Variants in PARK7 observed in about 807,000 individuals in gnomAD.
PARK7 encodes Parkinsonism associated deglycase.
Under a neutral mutation model 20.5 loss-of-function variants are expected in PARK7, and 14 were observed. The ratio of observed to expected loss-of-function variants is 0.68; its 90% CI spans 0.45 to 1.07. The LOEUF (loss-of-function observed/expected upper bound fraction) is 1.07, where lower values mean the gene tolerates loss of function less well. Ranked by LOEUF, PARK7 falls within the 50% of genes least tolerant of loss-of-function variation. The pLI, the probability that PARK7 is intolerant of heterozygous loss-of-function variation, is 0.00. For missense variants in PARK7, 234 were observed against 238.1 expected (o/e 0.98, Z 0.11); for synonymous variants, 98 against 84.3 (o/e 1.16, Z -0.89).
At chr1:7,981,090 T>C (rs749325940) in intron 6 of PARK7, among the ~76,000 whole-genome samples, 2 of 152,170 alleles carry the variant, frequency 1.3e-5, no homozygotes, top group Non-Finnish European at 2.9e-5. Context: ...TTGTCCACTG[T>C]TTGATGGCAT....
chr1:7,965,422 A>G lies in PARK7; in HGVS notation c.189A>G (p.Lys63=). ...CPDASLEDAK[K]EGPYDVVVLP... ...ATGCCAGCCTTGAAGATGCAAAAAA[A>G]GAGGTTTGTAATCCATACATGGAGT... The change falls in exon 3 of 7, where the codon AAA becomes AAG. Residue 63 remains lysine (K), a synonymous_variant. Coordinates refer to ENST00000338639, the MANE Select transcript of PARK7 (RefSeq NM_007262.5). The G allele has an allele frequency of 2.5e-6, 4 of 1,613,940 alleles. No homozygotes were observed. Among genetic ancestry groups the G allele is most frequent in the Non-Finnish European group, 3.4e-6 (4 of 1,179,780 alleles).
intron 2 of PARK7, 101 bp downstream of exon 2, chr1:7,962,976 A>G (rs1640241343): frequency 1.7e-5 from 16 of 963,950 alleles, no homozygotes; most frequent in Admixed American, 1.1e-4. Flanking sequence ...AAATATTTCA[A>G]ATATACACAA....
intron 5 of PARK7, among the ~76,000 whole-genome samples, chr1:7,972,112 A>G (rs1640477974): frequency 6.6e-6 from 1 of 152,162 alleles, no homozygotes; most frequent in Admixed American, 6.5e-5. Context: ...GACTTGATAC[A>G]TTCGAGTATC....
chr1:7,966,049 T>TA (rs1192604083), intron 3 of PARK7, among the ~76,000 whole-genome samples: 6 of 152,204 alleles, frequency 3.9e-5, no homozygotes, highest in Non-Finnish European at 5.9e-5. Flanking sequence ...TTATGGCTCT[T>TA]ACCTTTAAGG....
chr1:7,974,140 C>CCCG (rs997267046), intron 5 of PARK7, among the ~76,000 whole-genome samples: 8 of 148,394 alleles, frequency 5.4e-5, no homozygotes, highest in Non-Finnish European at 1.2e-4. Context: ...TGAGACCCCC[C>CCCG]CACCGACCTC....
intron 6 of PARK7, among the ~76,000 whole-genome samples, chr1:7,981,039 A>G (rs1170734721): frequency 6.6e-6 from 1 of 152,122 alleles, no homozygotes; most frequent in Non-Finnish European, 1.5e-5. Flanking sequence ...CGATTTTAGA[A>G]TAAGTCAGTT....
chr1:7,982,702 T>G (rs1640737591), intron 6 of PARK7, among the ~76,000 whole-genome samples: 1 of 152,192 alleles, frequency 6.6e-6, no homozygotes, highest in African/African-American at 2.4e-5. Flanking sequence ...CCCAGCCAGT[T>G]TCTAGGTTAG....
At chr1:7,969,450 G>GA (rs371300988) in intron 4 of PARK7, 46 bp downstream of exon 4, 129 of 740,520 alleles carry the variant, frequency 1.7e-4, no homozygotes, top group African/African-American at 5.5e-4. Context: ...TGGGGGGGGG[G>GA]AAAAACTAAA....
At chr1:7,973,523 G>C (rs907019200) in intron 5 of PARK7, among the ~76,000 whole-genome samples, 16 of 152,130 alleles carry the variant, frequency 1.1e-4, no homozygotes, top group African/African-American at 3.9e-4. Flanking sequence ...AAACCAGCCT[G>C]GCCACCATGG....
rs898499181 is a variant in PARK7 at position 7,962,626 on chromosome 1, G to A, written c.-23-137G>A. 6.5e-6 allele frequency: 4 copies of A among 613,840 alleles called. No individual in the cohort carries two copies. In the African/African-American group the frequency reaches 7.5e-5, roughly 11 times the overall value. 38.0% of individuals were successfully genotyped at this position (613,840 alleles called of 1,614,324 possible). ...AGATAACTAAACTGCTGCTTTTTTC[G>A]TATTCAGTTGTCTATGAAAACCGTT... On this transcript the variant is annotated intron_variant, in intron 1 of 6. Coordinates refer to ENST00000338639, the MANE Select transcript of PARK7 (RefSeq NM_007262.5).
At chr1:7,972,886 A>G (rs1414484030) in intron 5 of PARK7, among the ~76,000 whole-genome samples, 2 of 152,020 alleles carry the variant, frequency 1.3e-5, no homozygotes, top group African/African-American at 2.4e-5. Flanking sequence ...TAAAAATACA[A>G]AAGTTAGCTG....
chr1:7,982,701 T>TA (rs1640737528), intron 6 of PARK7, among the ~76,000 whole-genome samples: 1 of 152,178 alleles, frequency 6.6e-6, no homozygotes, highest in African/African-American at 2.4e-5. Context: ...GCCCAGCCAG[T>TA]TTCTAGGTTA....
chr1:7,973,572 G>C (rs1640507796), intron 5 of PARK7, among the ~76,000 whole-genome samples: 2 of 152,124 alleles, frequency 1.3e-5, no homozygotes, highest in African/African-American at 4.8e-5. Flanking sequence ...AAATTAGCCA[G>C]GCGTGGTGGC....
chr1:7,973,636 C>A (rs1640509142), intron 5 of PARK7, among the ~76,000 whole-genome samples: 1 of 148,524 alleles, frequency 6.7e-6, no homozygotes, highest in Admixed American at 6.9e-5. Context: ...ATCGCTTGAA[C>A]CTGGGAAGTG....
At chr1:7,981,834 A>G (rs1295697378) in intron 6 of PARK7, among the ~76,000 whole-genome samples, 1 of 149,742 alleles carries the variant, frequency 6.7e-6, no homozygotes, top group Non-Finnish European at 1.5e-5. Context: ...TATTTTTTGT[A>G]TTTTTAGTAG....
intron 2 of PARK7, among the ~76,000 whole-genome samples, chr1:7,963,199 G>T (rs1578090049): frequency 6.6e-6 from 1 of 151,962 alleles, no homozygotes; most frequent in Admixed American, 6.6e-5. Flanking sequence ...AAATAGCTGA[G>T]ACTACAGATG....
At chr1:7,979,421 G>A (rs1252494869) in intron 6 of PARK7, among the ~76,000 whole-genome samples, 1 of 152,088 alleles carries the variant, frequency 6.6e-6, no homozygotes, top group Non-Finnish European at 1.5e-5. Flanking sequence ...TTACATGAGG[G>A]TTCTCTCTTG....
chr1:7,968,326 AAAAT>A (rs1221607282), intron 3 of PARK7, among the ~76,000 whole-genome samples: 3 of 149,788 alleles, frequency 2.0e-5, no homozygotes, highest in South Asian at 4.2e-4. Flanking sequence ...AAAGAAAAGA[AAAAT>A]AAATAAATAA....
chr1:7,977,806 C>G (rs1395178309), intron 6 of PARK7, 68 bp downstream of exon 6: 23 of 1,394,114 alleles, frequency 1.6e-5, no homozygotes, highest in Non-Finnish European at 2.2e-5. Flanking sequence ...ATCGCCCAGG[C>G]TGGAGTGCAG....
Sources: gnomAD v4.1 joint callset for allele counts (sites outside exome capture counted in the v4.1 genomes callset) on GRCh38, gnomAD v4.1.1 for gene constraint, MANE v1.5 for transcripts, NCBI Gene and HGNC (gene_info 2026-07-23, HGNC 2026-07-21) for gene names.